S100Z: variants seen among roughly 807,000 people sequenced by gnomAD.
The protein encoded by S100Z is protein S100-Z.
S100Z carries 11 observed loss-of-function variants against 8.5 expected under a neutral mutation model. That is an observed-to-expected ratio of 1.30 (90% confidence interval 0.82 to 2.15). The LOEUF (loss-of-function observed/expected upper bound fraction) is 2.15. Among genes scored for constraint, S100Z ranks in the 30% most tolerant of loss-of-function variants. The pLI, the probability that S100Z is intolerant of heterozygous loss-of-function variation, is 0.00. For synonymous variants in S100Z, 34 were observed against 43.8 expected, an observed-to-expected ratio of 0.78 and a Z score of 0.89; for missense variants, 126 against 117.9, an observed-to-expected ratio of 1.07 and a Z score of -0.32.
At chr5:76,939,183 C>T in the S100Z span, among the ~76,000 whole-genome samples, 8 of 148,882 alleles carry the variant, frequency 5.4e-5, no homozygotes, top group African/African-American at 7.5e-5. Context: ...TACAGAATCT[C>T]GCTCTGTCAC....
intron 4 of S100Z, among the ~76,000 whole-genome samples, chr5:76,912,402 A>G (rs1172909295): frequency 6.6e-6 from 1 of 152,162 alleles, no homozygotes; most frequent in East Asian, 1.9e-4. Context: ...CTTAACCTAT[A>G]TACCAATGGA....
intron 1 of S100Z, among the ~76,000 whole-genome samples, chr5:76,868,642 G>A (rs183940514): frequency 2.2e-3 from 56 of 25,942 alleles, no homozygotes; most frequent in Non-Finnish European, 3.6e-3. Flanking sequence ...TTTTTTTTTT[G>A]CGACAGAGTC....
intron 4 of S100Z, among the ~76,000 whole-genome samples, chr5:76,901,262 T>G (rs1356131740): frequency 1.3e-5 from 2 of 152,218 alleles, no homozygotes; most frequent in Non-Finnish European, 2.9e-5. Context: ...GCCCTGGGGC[T>G]CTACAATCAG....
the S100Z span, among the ~76,000 whole-genome samples, chr5:76,929,379 G>GA: frequency 6.6e-6 from 1 of 151,976 alleles, no homozygotes; most frequent in African/African-American, 2.4e-5. Context: ...TGGACCAATT[G>GA]AACAATTTGT....
downstream of S100Z, among the ~76,000 whole-genome samples, chr5:76,924,263 A>G (rs569729382): frequency 9.8e-4 from 150 of 152,302 alleles, no homozygotes; most frequent in African/African-American, 3.4e-3. Flanking sequence ...CTCCCCTGTG[A>G]AGAAAAGTAT....
At chr5:76,872,724 G>A (rs990845890) in intron 2 of S100Z, among the ~76,000 whole-genome samples, 6 of 152,194 alleles carry the variant, frequency 3.9e-5, no homozygotes, top group African/African-American at 1.4e-4. Context: ...ATTTTGGGAG[G>A]CCAAGGCAGG....
At chr5:76,951,173 GC>G in the S100Z span, among the ~76,000 whole-genome samples, 1 of 152,200 alleles carries the variant, frequency 6.6e-6, no homozygotes, top group Non-Finnish European at 1.5e-5. Context: ...AAAATCAGAT[GC>G]TATGCTATGA....
At chr5:76,902,729 A>G (rs1744276699) in intron 4 of S100Z, among the ~76,000 whole-genome samples, 1 of 151,106 alleles carries the variant, frequency 6.6e-6, no homozygotes, top group Non-Finnish European at 1.5e-5. Flanking sequence ...CCATTCCACC[A>G]TCTTGGTCTG....
At chr5:76,908,628 A>G (rs1051252947) in intron 4 of S100Z, among the ~76,000 whole-genome samples, 3 of 152,224 alleles carry the variant, frequency 2.0e-5, no homozygotes, top group Non-Finnish European at 4.4e-5. Context: ...ATCCCTCCTC[A>G]GACAAGCAGG....
the S100Z span, among the ~76,000 whole-genome samples, chr5:76,940,381 G>A: frequency 6.6e-6 from 1 of 151,232 alleles, no homozygotes; most frequent in South Asian, 2.1e-4. Context: ...ATAGGTGAAT[G>A]TGAATGGAAT....
At chr5:76,941,315 G>A in the S100Z span, among the ~76,000 whole-genome samples, 1 of 152,104 alleles carries the variant, frequency 6.6e-6, no homozygotes, top group Non-Finnish European at 1.5e-5. Flanking sequence ...ACATGCCCTG[G>A]GAGGGACCCG....
chr5:76,888,578 G>A (rs536310985), intron 4 of S100Z, among the ~76,000 whole-genome samples: 56 of 151,806 alleles, frequency 3.7e-4, no homozygotes, highest in Non-Finnish European at 6.9e-4. Flanking sequence ...AGGTTTCACC[G>A]TGTTAGCCAG....
At chr5:76,896,141 G>GT (rs1744029700) in intron 4 of S100Z, among the ~76,000 whole-genome samples, 1 of 151,942 alleles carries the variant, frequency 6.6e-6, no homozygotes, top group Non-Finnish European at 1.5e-5. Context: ...CCTTTTAACT[G>GT]TTTTTTGTAC....
intron 4 of S100Z, among the ~76,000 whole-genome samples, chr5:76,879,926 C>A (rs1228974009): frequency 6.6e-6 from 1 of 152,048 alleles, no homozygotes; most frequent in East Asian, 1.9e-4. Flanking sequence ...TGTGAAGAGA[C>A]CCCCAGACAG....
intron 4 of S100Z, among the ~76,000 whole-genome samples, chr5:76,899,583 T>G (rs1292099625): frequency 6.6e-6 from 1 of 152,192 alleles, no homozygotes; most frequent in Non-Finnish European, 1.5e-5. Context: ...TATTTTAACC[T>G]GATAACAACA....
intron 1 of S100Z, among the ~76,000 whole-genome samples, chr5:76,863,835 G>GC (rs1292354147): frequency 1.3e-5 from 2 of 152,210 alleles, no homozygotes; most frequent in African/African-American, 4.8e-5. Context: ...ACTGCGCCCG[G>GC]CCAATTATAT....
At chr5:76,874,775 C>T (rs1445657412) in intron 2 of S100Z, among the ~76,000 whole-genome samples, 1 of 152,050 alleles carries the variant, frequency 6.6e-6, no homozygotes, top group East Asian at 1.9e-4. Context: ...GGAGCTGCTA[C>T]CTCTTGGGGG....
chr5:76,944,582 T>G, the S100Z span, among the ~76,000 whole-genome samples: 1 of 152,184 alleles, frequency 6.6e-6, no homozygotes, highest in Non-Finnish European at 1.5e-5. Context: ...GGCTGGCTGC[T>G]GGCAAGTCCC....
intron 1 of S100Z, among the ~76,000 whole-genome samples, chr5:76,865,733 C>T (rs890658903): frequency 5.3e-5 from 8 of 151,702 alleles, no homozygotes; most frequent in Admixed American, 2.0e-4. Context: ...AGAATGTTGG[C>T]TGGGCGCAGT....
Sources: allele counts gnomAD v4.1 joint callset (sites outside exome capture counted in the v4.1 genomes callset), GRCh38; gene constraint gnomAD v4.1.1; transcripts MANE v1.5; gene names NCBI Gene and HGNC (gene_info 2026-07-23, HGNC 2026-07-21).